ZFPM2: variants seen among roughly 807,000 people sequenced by gnomAD.
ZFPM2 encodes zinc finger protein ZFPM2.
Under a neutral mutation model 98.6 loss-of-function variants are expected in ZFPM2, and 20 were observed. The observed-to-expected ratio is 0.20, with a 90% CI of 0.14 to 0.29. ZFPM2 has a LOEUF of 0.29. ZFPM2 is among the 10% of genes least tolerant of loss of function. ZFPM2 has a pLI of 1.00. For synonymous variants in ZFPM2, 518 were observed against 502.7 expected, an observed-to-expected ratio of 1.03 and a Z score of -0.41; for missense variants, 1,310 against 1,388.6, an observed-to-expected ratio of 0.94 and a Z score of 0.90.
intron 1 of ZFPM2, among the ~76,000 whole-genome samples, chr8:105,378,314 A>G (rs1472296121): frequency 6.6e-6 from 1 of 152,184 alleles, no homozygotes; most frequent in Non-Finnish European, 1.5e-5. Context: ...CTGTAATCCT[A>G]TATTTTAATC....
At chr8:105,389,585 G>A (rs1811069617) in intron 1 of ZFPM2, among the ~76,000 whole-genome samples, 1 of 152,144 alleles carries the variant, frequency 6.6e-6, no homozygotes, top group Admixed American at 6.5e-5. Flanking sequence ...AAGAGATTGG[G>A]AACCAGAGAG....
chr8:105,488,341 G>A (rs1024962751), intron 3 of ZFPM2, among the ~76,000 whole-genome samples: 6 of 152,138 alleles, frequency 3.9e-5, no homozygotes, highest in East Asian at 1.9e-4. Flanking sequence ...ATCTTCAACC[G>A]TGCATTTCCA....
At chr8:105,643,642 A>T (rs2130855094) in intron 5 of ZFPM2, among the ~76,000 whole-genome samples, 1 of 152,310 alleles carries the variant, frequency 6.6e-6, no homozygotes, top group Admixed American at 6.5e-5. Context: ...AATGCTGATC[A>T]GTGTTATGTT....
chr8:105,705,454 C>T, intron 5 of ZFPM2, among the ~76,000 whole-genome samples: 1 of 152,054 alleles, frequency 6.6e-6, no homozygotes, highest in Non-Finnish European at 1.5e-5. Flanking sequence ...TCTCATTCTA[C>T]CTATCAGGGA....
intron 5 of ZFPM2, among the ~76,000 whole-genome samples, chr8:105,655,988 AACAGCC>A (rs1817277463): frequency 6.6e-6 from 1 of 151,862 alleles, no homozygotes; most frequent in African/African-American, 2.4e-5. Flanking sequence ...TCACTTACTC[AACAGCC>A]ATTTATTGTG....
chr8:105,390,014 A>T (rs753405891), intron 1 of ZFPM2, among the ~76,000 whole-genome samples: 1 of 152,210 alleles, frequency 6.6e-6, no homozygotes, highest in Non-Finnish European at 1.5e-5. Flanking sequence ...GTATTTATGT[A>T]TATTAAAATC....
At chr8:105,673,465 A>G (rs1475070174) in intron 5 of ZFPM2, among the ~76,000 whole-genome samples, 1 of 152,106 alleles carries the variant, frequency 6.6e-6, no homozygotes, top group Non-Finnish European at 1.5e-5. Flanking sequence ...CAAATAATAT[A>G]CATGTCTATG....
At chr8:105,405,306 T>C (rs1586348577) in intron 1 of ZFPM2, among the ~76,000 whole-genome samples, 2 of 152,052 alleles carry the variant, frequency 1.3e-5, no homozygotes, top group African/African-American at 4.8e-5. Flanking sequence ...ATACTTTAAG[T>C]TTTAGGGTAC....
intron 5 of ZFPM2, among the ~76,000 whole-genome samples, chr8:105,739,338 A>C (rs1262742241): frequency 6.6e-5 from 10 of 152,066 alleles, no homozygotes; most frequent in Non-Finnish European, 1.5e-5. Flanking sequence ...GAGTAAATTA[A>C]GTGTAGTTGT....
intron 3 of ZFPM2, among the ~76,000 whole-genome samples, chr8:105,516,812 G>C (rs1813932342): frequency 6.6e-6 from 1 of 152,102 alleles, no homozygotes; most frequent in South Asian, 2.1e-4. Context: ...CCGTTCCAGA[G>C]TATTGTCTAT....
In ZFPM2 at chr8:105,801,931, G is replaced by A. The variant is rs1814032768; in HGVS notation, c.1849G>A (p.Glu617Lys). The A allele has an allele frequency of 6.2e-7, 1 of 1,613,740 alleles. No homozygotes were observed. The highest frequency in any genetic ancestry group is 1.3e-5 in the African/African-American group (1 of 74,892). The change falls in exon 8 of 8, where the codon GAG becomes AAG. Residue 617 changes from glutamate to lysine, a missense_variant. Physicochemically the swap from Glu to Lys is moderately conservative, Grantham distance 56. Coordinates refer to ENST00000407775, the MANE Select transcript of ZFPM2 (RefSeq NM_012082.4). ...CCCAGCTGCTCATTCTGCTGATCCT[G>A]AGAATCCACTTCTTCAAACATCTTG... ...LNPAAHSADPENPLLQTSCIN... is the reference protein window; with the variant it reads ...LNPAAHSADPKNPLLQTSCIN...
chr8:105,410,227 C>A (rs1811548616), intron 1 of ZFPM2, among the ~76,000 whole-genome samples: 1 of 151,848 alleles, frequency 6.6e-6, no homozygotes, highest in African/African-American at 2.4e-5. Flanking sequence ...AATGTTTCCC[C>A]CTCACATCTT....
Position 105,803,169 on chromosome 8 carries a change from A to G in ZFPM2, c.3087A>G (p.Lys1029=), listed in dbSNP as rs778041905. 6.2e-7 allele frequency: 1 copy of G among 1,613,920 alleles called. No individual in the cohort carries two copies. Residue 1029 remains lysine, a synonymous_variant, in exon 8 of 8, where the codon AAA becomes AAG. Coordinates refer to ENST00000407775, the MANE Select transcript of ZFPM2 (RefSeq NM_012082.4). ...CAAATGGGTGTGCTGCGCTGAAGAA[A>G]GATTCTCTGCCATTGTTGCCCAAAA... ...ASSNGCAALK[K]DSLPLLPKNR... is the part of the protein sequence containing the mutation.
chr8:105,587,428 TA>T (rs1210169730), intron 4 of ZFPM2, among the ~76,000 whole-genome samples: 1 of 152,148 alleles, frequency 6.6e-6, no homozygotes, highest in African/African-American at 2.4e-5. Context: ...ATTTCTAATT[TA>T]AAGTGTAGAC....
rs544238649 is a variant in ZFPM2 at position 105,739,688 on chromosome 8, A to G, written c.533-49030A>G. Among the ~76,000 whole-genome samples the G allele has an allele frequency of 4.0e-5, 6 of 151,826 alleles. 1 individual carries two copies. The Middle Eastern group carries it at 0.02, about 516-fold the overall frequency. Reference sequence around the variant, plus strand: ...TTCCTTTCATTGCTCCTATATAAACATTAAAGGCACTTCGCAGCTATAGTT... The same window carrying G: ...TTCCTTTCATTGCTCCTATATAAACGTTAAAGGCACTTCGCAGCTATAGTT... On this transcript the variant is annotated intron_variant, in intron 5 of 7. Coordinates refer to ENST00000407775, the MANE Select transcript of ZFPM2 (RefSeq NM_012082.4).
chr8:105,755,728 T>TA (rs1812582580), intron 5 of ZFPM2, among the ~76,000 whole-genome samples: 2 of 152,068 alleles, frequency 1.3e-5, no homozygotes, highest in African/African-American at 2.4e-5. Flanking sequence ...CTGCCTTTTT[T>TA]AAAAAAACAA....
chr8:105,612,759 C>G (rs1816332555), intron 4 of ZFPM2, among the ~76,000 whole-genome samples: 1 of 152,114 alleles, frequency 6.6e-6, no homozygotes, highest in African/African-American at 2.4e-5. Flanking sequence ...TCTACAGGGT[C>G]ACTACATATT....
At chr8:105,591,490 G>C (rs529033357) in intron 4 of ZFPM2, among the ~76,000 whole-genome samples, 2 of 152,214 alleles carry the variant, frequency 1.3e-5, no homozygotes, top group South Asian at 4.1e-4. Context: ...TTGGAAAAAT[G>C]TTAATGCCTT....
chr8:105,738,144 T>C lies in ZFPM2; in HGVS notation c.533-50574T>C, dbSNP rs368996308. Among the ~76,000 whole-genome samples, 7 of 152,120 alleles carry C rather than the reference T, an allele frequency of 4.6e-5. No individual in the cohort carries two copies. In the East Asian group the frequency reaches 9.7e-4, roughly 21 times the overall value. ...AGGTATTAGCCTCGTATTCATTAGT[T>C]ATTTTTCCTGATGCTTTCCCTCCTC... On this transcript the variant is annotated intron_variant, in intron 5 of 7. Transcript: ENST00000407775.
Sources: allele counts gnomAD v4.1 joint callset (sites outside exome capture counted in the v4.1 genomes callset), GRCh38; gene constraint gnomAD v4.1.1; transcripts MANE v1.5; gene names NCBI Gene and HGNC (gene_info 2026-07-23, HGNC 2026-07-21).